The following KSR1 variants were observed in gnomAD, a reference collection of about 807,000 sequenced individuals.
KSR1 encodes kinase suppressor of ras 1.
In KSR1, 35 loss-of-function variants were observed where a neutral mutation model predicts 92.9. That is an observed-to-expected ratio of 0.38 (90% confidence interval 0.29 to 0.50). The LOEUF is 0.50. Ranked by LOEUF, KSR1 falls within the 20% of genes least tolerant of loss-of-function variation. The pLI, the probability that KSR1 is intolerant of heterozygous loss-of-function variation, is 0.94. For synonymous variants in KSR1, 467 were observed against 472.6 expected (o/e 0.99, Z 0.15); for missense variants, 972 against 1,158.5 (o/e 0.84, Z 2.34).
At chr17:27,487,022 T>C (rs1271657302) in intron 1 of KSR1, among the ~76,000 whole-genome samples, 1 of 152,150 alleles carries the variant, frequency 6.6e-6, no homozygotes, top group Non-Finnish European at 1.5e-5. Flanking sequence ...AGGAATGTGG[T>C]AAAAGACACT....
intron 2 of KSR1, among the ~76,000 whole-genome samples, chr17:27,573,841 A>G (rs1038988540): frequency 3.3e-5 from 5 of 152,230 alleles, no homozygotes; most frequent in African/African-American, 9.6e-5. Context: ...TTAAAGATAA[A>G]ATAATGTATA....
chr17:27,467,587 T>C (rs2019759634), intron 1 of KSR1, among the ~76,000 whole-genome samples: 1 of 152,214 alleles, frequency 6.6e-6, no homozygotes, highest in Non-Finnish European at 1.5e-5. Context: ...TTTGGTCTTT[T>C]TTCCTGCAAT....
chr17:27,495,440 AC>A (rs1048218907), intron 1 of KSR1, among the ~76,000 whole-genome samples: 1 of 152,194 alleles, frequency 6.6e-6, no homozygotes, highest in Non-Finnish European at 1.5e-5. Flanking sequence ...GCATTGGACA[AC>A]CTGGGCCAGG....
At chr17:27,548,825 C>CA (rs545406045) in intron 1 of KSR1, among the ~76,000 whole-genome samples, 47,940 of 139,980 alleles carry the variant, frequency 0.34, 7,919 homozygotes, top group Middle Eastern at 0.43. Context: ...GTGACCATCT[C>CA]AAAAAAAAAA....
intron 1 of KSR1, among the ~76,000 whole-genome samples, chr17:27,466,643 G>A (rs528761717): frequency 1.3e-5 from 2 of 152,250 alleles, no homozygotes; most frequent in African/African-American, 4.8e-5. Flanking sequence ...GGGGTTTGGG[G>A]GAGAGGGCTG....
intron 1 of KSR1, among the ~76,000 whole-genome samples, chr17:27,527,718 G>T (rs776644459): frequency 6.6e-6 from 1 of 152,118 alleles, no homozygotes; most frequent in Admixed American, 6.5e-5. Flanking sequence ...GCACAAATCA[G>T]ACTGTATAAG....
intron 2 of KSR1, 140 bp downstream of exon 2, chr17:27,550,848 A>C (rs1305602351): frequency 1.6e-6 from 1 of 615,680 alleles, no homozygotes; most frequent in Non-Finnish European, 3.0e-6. Flanking sequence ...ATGGGGAGGG[A>C]CAGCAGCGCC....
At chr17:27,489,245 G>A (rs1344106396) in intron 1 of KSR1, among the ~76,000 whole-genome samples, 2 of 152,250 alleles carry the variant, frequency 1.3e-5, no homozygotes, top group African/African-American at 2.4e-5. Context: ...CCCACATGCA[G>A]GGTGTGGAGA....
Position 27,590,900 on chromosome 17 carries a change from G to C in KSR1, c.1130+6G>C. The C allele has an allele frequency of 1.9e-6, 3 of 1,608,370 alleles. No individual in the cohort carries two copies. Among genetic ancestry groups the C allele is most frequent in the Non-Finnish European group, 2.5e-6 (3 of 1,177,406 alleles). ...GTGAAGTGCAAGCATTGCAGGTGATGGGAAGAGGAGTGGGGGTGGGGGGAG... is the reference window on the plus strand; with the variant it reads ...GTGAAGTGCAAGCATTGCAGGTGATCGGAAGAGGAGTGGGGGTGGGGGGAG... On this transcript the variant is annotated splice_donor_region_variant and intron_variant, in intron 7 of 20. Coordinates refer to ENST00000644974, the MANE Select transcript of KSR1 (RefSeq NM_001394583.1).
At chr17:27,540,475 G>A (rs930275485) in intron 1 of KSR1, among the ~76,000 whole-genome samples, 8 of 152,210 alleles carry the variant, frequency 5.3e-5, no homozygotes, top group Non-Finnish European at 7.3e-5. Context: ...GAAGTTCCCC[G>A]ACTCTGAGTT....
intron 18 of KSR1, among the ~76,000 whole-genome samples, chr17:27,611,851 C>T (rs1048818930): frequency 6.6e-6 from 1 of 151,962 alleles, no homozygotes; most frequent in Non-Finnish European, 1.5e-5. Context: ...ACTGCTCACC[C>T]TTTTCATTCC....
At chr17:27,584,006 G>C (rs1039773258) in intron 4 of KSR1, 1 of 979,512 alleles carries the variant, frequency 1.0e-6, no homozygotes, top group African/African-American at 1.8e-5. Context: ...ATATTATTTC[G>C]TTGTATAGTT....
intron 1 of KSR1, among the ~76,000 whole-genome samples, chr17:27,533,387 TC>T (rs2070624842): frequency 7.4e-6 from 1 of 134,854 alleles, no homozygotes; most frequent in South Asian, 2.4e-4. Context: ...ATGCAACCAT[TC>T]TTTTTTTTTT....
intron 1 of KSR1, among the ~76,000 whole-genome samples, chr17:27,546,010 G>C (rs2071159988): frequency 6.6e-6 from 1 of 152,206 alleles, no homozygotes; most frequent in African/African-American, 2.4e-5. Context: ...TGCTTTTAGT[G>C]CCAGCAGCCT....
intron 1 of KSR1, among the ~76,000 whole-genome samples, chr17:27,507,079 C>A (rs2069412820): frequency 6.6e-6 from 1 of 152,140 alleles, no homozygotes; most frequent in Non-Finnish European, 1.5e-5. Context: ...TAGTCCTAGT[C>A]GGGGTGTGCA....
chr17:27,534,152 C>T lies in KSR1; in HGVS notation c.232-16416C>T, dbSNP rs143595215. ...GAGGTTCGTGTTGCACAGTTTGGCT[C>T]GGGTGTGCCCAGCTCTTGACCTGAG... On this transcript the variant is annotated intron_variant, in intron 1 of 20. Coordinates refer to ENST00000644974, the MANE Select transcript of KSR1 (RefSeq NM_001394583.1). 2.1e-4 allele frequency among the ~76,000 whole-genome samples: 32 copies of T among 152,278 alleles called. No individual in the cohort carries two copies. The East Asian group carries it at 5.8e-3, about 28-fold the overall frequency.
At chr17:27,475,841 A>G (rs755889292) in intron 1 of KSR1, among the ~76,000 whole-genome samples, 2 of 152,218 alleles carry the variant, frequency 1.3e-5, no homozygotes, top group Non-Finnish European at 2.9e-5. Context: ...TCAGTGACAG[A>G]GGCTGGGTAA....
chr17:27,607,936 C>T lies in KSR1; in HGVS notation c.2017C>T (p.His673Tyr), dbSNP rs764710659. Residue 673 changes from histidine (H) to tyrosine (Y), a missense_variant, in exon 15 of 21, where the codon CAC becomes TAC. By Grantham distance (83) the His-to-Tyr change is moderately conservative (BLOSUM62 2). Around this residue, in one of 5 missense-constraint regions of KSR1, gnomAD observed 260 missense variants for 375.2 expected, o/e 0.69. Coordinates refer to ENST00000644974, the MANE Select transcript of KSR1 (RefSeq NM_001394583.1). ...ITSFCKGRTL[H>Y]SFVRDPKTSL... is the part of the protein sequence containing the mutation. ...CAGCTTCTGCAAGGGGCGGACGTTG[C>T]ACTCGTTTGTGAGGGACCCCAAGAC... The T allele has an allele frequency of 1.2e-6, 2 of 1,609,358 alleles. No homozygotes were observed. The highest frequency in any genetic ancestry group is 4.5e-5 in the East Asian group (2 of 44,772).
intron 1 of KSR1, among the ~76,000 whole-genome samples, chr17:27,486,454 G>T (rs1486175515): frequency 6.6e-6 from 1 of 152,212 alleles, no homozygotes; most frequent in East Asian, 1.9e-4. Context: ...TAGTGGGCTT[G>T]CTTGGCATCA....
Sources: allele counts gnomAD v4.1 joint callset (sites outside exome capture counted in the v4.1 genomes callset), GRCh38; gene constraint gnomAD v4.1.1; regional missense constraint gnomAD v4.1.1; transcripts MANE v1.5; gene names NCBI Gene and HGNC (gene_info 2026-07-23, HGNC 2026-07-21).